CASP6: variants seen among roughly 807,000 people sequenced by gnomAD.
CASP6 encodes caspase-6.
In CASP6, 20 loss-of-function variants were observed where a neutral mutation model predicts 31.8. That is an observed-to-expected ratio of 0.63 (90% confidence interval 0.44 to 0.91). The LOEUF is 0.91. CASP6 is among the 40% of genes least tolerant of loss of function. CASP6 has a pLI of 0.00. For synonymous variants in CASP6, 130 were observed against 127.8 expected, an observed-to-expected ratio of 1.02 and a Z score of -0.12; for missense variants, 328 against 361.1, an observed-to-expected ratio of 0.91 and a Z score of 0.74.
the CASP6 span, among the ~76,000 whole-genome samples, chr4:109,677,921 C>A: frequency 6.8e-6 from 1 of 146,760 alleles, no homozygotes; most frequent in Non-Finnish European, 1.5e-5. Flanking sequence ...CAGATAAACA[C>A]GTGAACAAAG....
At chr4:109,705,314 T>C (rs1730565007), upstream of CASP6, among the ~76,000 whole-genome samples, 1 of 152,220 alleles carries the variant, frequency 6.6e-6, no homozygotes, top group African/African-American at 2.4e-5. Context: ...TGAGCTCTAG[T>C]GCTCAGAAGA....
At chr4:109,706,129 TTTTATATATATA>T (rs1257699816), upstream of CASP6, among the ~76,000 whole-genome samples, 270 of 56,082 alleles carry the variant, frequency 4.8e-3, 19 homozygotes, top group Middle Eastern at 0.01. Context: ...TACCTATCCA[TTTTATATATATA>T]TATATATATA....
chr4:109,682,759 G>A, the CASP6 span: 2 of 1,591,226 alleles, frequency 1.3e-6, no homozygotes, highest in Non-Finnish European at 1.7e-6. Flanking sequence ...AAGCATCACG[G>A]TTGAGTATAT....
the CASP6 span, among the ~76,000 whole-genome samples, chr4:109,665,725 T>C: frequency 2.6e-5 from 4 of 152,156 alleles, no homozygotes; most frequent in Admixed American, 6.5e-5. Flanking sequence ...TTTCAATCCA[T>C]GGTTGGTTGA....
At chr4:109,680,288 A>C in the CASP6 span, among the ~76,000 whole-genome samples, 1 of 152,326 alleles carries the variant, frequency 6.6e-6, no homozygotes, top group African/African-American at 2.4e-5. Flanking sequence ...ACCAGTTAAC[A>C]AACCCAGATG....
In CASP6 at chr4:109,689,212, C is replaced by A; in HGVS notation, c.*118G>T. ...GTCAGGCTGGTCTCGAACTCCCGAC[C>A]TCAGGTGATCCGCCCACCTTGGACT... On this transcript the variant is annotated 3_prime_UTR_variant, in exon 7 of 7. Coordinates refer to ENST00000265164, the MANE Select transcript of CASP6 (RefSeq NM_001226.4). The A allele has an allele frequency of 3.3e-6, 3 of 912,208 alleles. No individual in the cohort carries two copies. The South Asian group carries it at 4.7e-5, about 14-fold the overall frequency. 56.5% of individuals were successfully genotyped at this position (912,208 alleles called of 1,614,324 possible).
In CASP6 at chr4:109,694,699, C is replaced by T. The variant is rs764046637; in HGVS notation, c.309G>A (p.Val103=). The change falls in exon 5 of 7, where the codon GTG becomes GTA. Residue 103 remains valine (V), a splice_region_variant and synonymous_variant. Coordinates refer to ENST00000265164, the MANE Select transcript of CASP6 (RefSeq NM_001226.4). ...CGGCATCTGCGTGGCTAACAGTTGACACTATAAAGGACCCAAAAGAGAATA... is the reference window on the plus strand; with the variant it reads ...CGGCATCTGCGTGGCTAACAGTTGATACTATAAAGGACCCAAAAGAGAATA... The part of the protein sequence containing the change: ...AEELLLKIHE[V]STVSHADADC... The T allele has an allele frequency of 1.3e-6, 2 of 1,584,410 alleles. No homozygotes were observed. Among genetic ancestry groups the T allele is most frequent in the Non-Finnish European group, 1.7e-6 (2 of 1,166,900 alleles).
At chr4:109,671,396 AT>A in the CASP6 span, among the ~76,000 whole-genome samples, 1 of 151,894 alleles carries the variant, frequency 6.6e-6, no homozygotes, top group African/African-American at 2.4e-5. Flanking sequence ...GTTCTTAGAT[AT>A]TTTGTTAGGT....
At position 109,696,405 on chromosome 4, in the gene CASP6, C is replaced by T. The variant is rs998292877; in HGVS notation, c.307+5G>A. On this transcript the variant is annotated splice_donor_5th_base_variant and intron_variant, in intron 4 of 6. Transcript: ENST00000265164. ...GATGAACTATATGATAGCAAAACTA[C>T]CTACCCTCATGAATTTTGAGCAGTA... 3 of 1,606,756 alleles carry T rather than the reference C, an allele frequency of 1.9e-6. No individual in the cohort carries two copies. Among genetic ancestry groups the T allele is most frequent in the Non-Finnish European group, 1.7e-6 (2 of 1,174,720 alleles).
intron 2 of CASP6, 45 bp from the exon 3 acceptor site, chr4:109,697,813 A>G: frequency 6.3e-7 from 1 of 1,589,398 alleles, no homozygotes; most frequent in Non-Finnish European, 8.6e-7. Context: ...GTCATATTAA[A>G]TAATGAGCCC....
At chr4:109,682,483 C>A in the CASP6 span, 1 of 967,914 alleles carries the variant, frequency 1.0e-6, no homozygotes, top group Non-Finnish European at 1.6e-6. Flanking sequence ...CCTGTGGATC[C>A]TAAGATAATA....
the CASP6 span, among the ~76,000 whole-genome samples, chr4:109,670,191 A>G: frequency 8.2e-3 from 1,255 of 152,272 alleles, 22 homozygotes; most frequent in African/African-American, 0.028. Flanking sequence ...CTGTAGTCCT[A>G]TGATTAAGGG....
At chr4:109,692,762 A>G (rs1730098587) in intron 5 of CASP6, 1 of 152,150 alleles carries the variant, frequency 6.6e-6, no homozygotes, top group African/African-American at 2.4e-5. Flanking sequence ...TAGGTTCTAC[A>G]CCTGTATGAC....
At chr4:109,686,292 C>G (rs967540771), downstream of CASP6, among the ~76,000 whole-genome samples, 13 of 152,076 alleles carry the variant, frequency 8.5e-5, no homozygotes, top group African/African-American at 3.1e-4. Flanking sequence ...GCGCCCGCCA[C>G]CACACCTGGT....
chr4:109,708,796 T>G, the CASP6 span, among the ~76,000 whole-genome samples: 1 of 152,224 alleles, frequency 6.6e-6, no homozygotes, highest in Admixed American at 6.5e-5. Context: ...TATTCACCAC[T>G]GATCAGGATT....
At chr4:109,706,782 C>T (rs758813269), upstream of CASP6, among the ~76,000 whole-genome samples, 1 of 152,164 alleles carries the variant, frequency 6.6e-6, no homozygotes, top group Non-Finnish European at 1.5e-5. Flanking sequence ...GTGGCAGGCA[C>T]CTGTAATCCC....
At chr4:109,668,682 T>A in the CASP6 span, among the ~76,000 whole-genome samples, 1 of 152,024 alleles carries the variant, frequency 6.6e-6, no homozygotes, top group African/African-American at 2.4e-5. Context: ...GCTACTGTTT[T>A]CTATTTGTTG....
chr4:109,695,795 C>T (rs1459858401), intron 4 of CASP6, among the ~76,000 whole-genome samples: 1 of 151,466 alleles, frequency 6.6e-6, no homozygotes, highest in East Asian at 1.9e-4. Flanking sequence ...GTACTCAAAG[C>T]CAGGTGCGGT....
downstream of CASP6, among the ~76,000 whole-genome samples, chr4:109,686,739 G>T (rs540909791): frequency 6.6e-6 from 1 of 152,232 alleles, no homozygotes; most frequent in South Asian, 2.1e-4. Flanking sequence ...AGCTGGACAT[G>T]GTGGCACATG....
Sources: allele counts gnomAD v4.1 joint callset (sites outside exome capture counted in the v4.1 genomes callset), GRCh38; gene constraint gnomAD v4.1.1; transcripts MANE v1.5; gene names NCBI Gene and HGNC (gene_info 2026-07-23, HGNC 2026-07-21).